MED13L: variants seen among roughly 807,000 people sequenced by gnomAD.
MED13L encodes mediator of RNA polymerase II transcription subunit 13-like.
MED13L carries 7 observed loss-of-function variants against 220.9 expected under a neutral mutation model. The ratio of observed to expected loss-of-function variants is 0.03; its 90% CI spans 0.02 to 0.06. The LOEUF is 0.06. Among genes scored for constraint, MED13L ranks in the 10% least tolerant of loss-of-function variants. MED13L has a pLI of 1.00. For missense variants in MED13L, 1,965 were observed against 2,760.5 expected, an observed-to-expected ratio of 0.71 and a Z score of 6.46; for synonymous variants, 1,011 against 1,015.2, an observed-to-expected ratio of 1.00 and a Z score of 0.08.
chr12:116,076,880 C>T (rs1190566084), intron 4 of MED13L, among the ~76,000 whole-genome samples: 1 of 152,172 alleles, frequency 6.6e-6, no homozygotes, highest in Non-Finnish European at 1.5e-5. Context: ...GCCCAAAGGG[C>T]AGAGCACAAA....
chr12:115,999,376 G>GAA (rs1426421826), intron 14 of MED13L, among the ~76,000 whole-genome samples: 1 of 151,042 alleles, frequency 6.6e-6, no homozygotes, highest in African/African-American at 2.4e-5. Context: ...CGGTGAAAGA[G>GAA]AAAGACTCTG....
intron 2 of MED13L, among the ~76,000 whole-genome samples, chr12:116,209,384 T>C (rs1882554875): frequency 6.6e-6 from 1 of 152,200 alleles, no homozygotes; most frequent in African/African-American, 2.4e-5. Flanking sequence ...GATGAGGAAA[T>C]ATTTTTAAAT....
chr12:116,008,145 C>A, intron 10 of MED13L: 1 of 491,542 alleles, frequency 2.0e-6, no homozygotes, highest in East Asian at 3.2e-5. Flanking sequence ...AACAGTAGGG[C>A]AAAAATGTAT....
chr12:116,224,187 C>T (rs185163871), intron 2 of MED13L, among the ~76,000 whole-genome samples: 63 of 152,274 alleles, frequency 4.1e-4, no homozygotes, highest in Middle Eastern at 6.8e-3. Flanking sequence ...ACCTATGAAG[C>T]CCAAACTACT....
chr12:115,973,822 A>T (rs1876751918), intron 25 of MED13L, among the ~76,000 whole-genome samples: 1 of 152,236 alleles, frequency 6.6e-6, no homozygotes, highest in African/African-American at 2.4e-5. Flanking sequence ...CTACAGTACA[A>T]CTTATTACTT....
chr12:116,088,901 A>C (rs1871952322), intron 4 of MED13L, among the ~76,000 whole-genome samples: 1 of 152,158 alleles, frequency 6.6e-6, no homozygotes, highest in South Asian at 2.1e-4. Context: ...ATTCAAAATT[A>C]TTCAACATAT....
chr12:116,252,143 A>G (rs1871619223), intron 1 of MED13L, among the ~76,000 whole-genome samples: 2 of 152,142 alleles, frequency 1.3e-5, no homozygotes, highest in African/African-American at 2.4e-5. Flanking sequence ...CATAAAATTA[A>G]TAAGGATATA....
chr12:116,034,414 C>T (rs2137513561), intron 4 of MED13L, among the ~76,000 whole-genome samples: 1 of 152,196 alleles, frequency 6.6e-6, no homozygotes, highest in African/African-American at 2.4e-5. Flanking sequence ...AAATGTAAAG[C>T]TCTGATAGTC....
rs1414267384 is a variant in MED13L at position 115,980,844 on chromosome 12, T to A, written c.5270A>T (p.Gln1757Leu). 1 of 1,601,776 alleles carries A rather than the reference T, an allele frequency of 6.2e-7. No individual in the cohort carries two copies. Among genetic ancestry groups the A allele is most frequent in the Non-Finnish European group, 8.5e-7 (1 of 1,174,346 alleles). The change falls in exon 23 of 31, where the codon CAG becomes CTG. Residue 1757 changes from glutamine (Q) to leucine (L), a missense_variant. By Grantham distance (113) the Gln-to-Leu change is moderately radical. Transcript: ENST00000281928. ...LKSMAFSVYC[Q>L]CRRPLPTQIH... Reference sequence around the variant, plus strand: ...CTGTGTAGGCAGTGGTCGCCTGCACTGGCAGTACACTGAAAATGCCATGGA... The same window carrying A: ...CTGTGTAGGCAGTGGTCGCCTGCACAGGCAGTACACTGAAAATGCCATGGA...
At chr12:116,243,892 T>C (rs1351409090) in intron 1 of MED13L, among the ~76,000 whole-genome samples, 1 of 152,134 alleles carries the variant, frequency 6.6e-6, no homozygotes, top group South Asian at 2.1e-4. Context: ...CTAGATACTA[T>C]AAATCAGTTC....
At chr12:116,259,609 C>A (rs937732904) in intron 1 of MED13L, among the ~76,000 whole-genome samples, 1 of 152,116 alleles carries the variant, frequency 6.6e-6, no homozygotes. Flanking sequence ...TCTTAAACTG[C>A]GTATTAGGTA....
chr12:116,061,503 T>C (rs1162038721), intron 4 of MED13L, among the ~76,000 whole-genome samples: 5 of 152,128 alleles, frequency 3.3e-5, no homozygotes, highest in African/African-American at 1.2e-4. Context: ...AAGATAATAA[T>C]GCCTACCTCA....
intron 13 of MED13L, 35 bp downstream of exon 13, chr12:116,005,834 C>A (rs369498626): frequency 6.2e-7 from 1 of 1,612,886 alleles, no homozygotes; most frequent in African/African-American, 1.3e-5. Flanking sequence ...TTTCATGTAG[C>A]GAAATTTTTG....
intron 1 of MED13L, among the ~76,000 whole-genome samples, chr12:116,252,245 A>G (rs1871626010): frequency 6.6e-6 from 1 of 152,194 alleles, no homozygotes; most frequent in Non-Finnish European, 1.5e-5. Flanking sequence ...CCAAATGCAC[A>G]TGGAACATTC....
At chr12:115,983,584 A>G in intron 20 of MED13L, 44 bp from the exon 21 acceptor site, 1 of 1,600,252 alleles carries the variant, frequency 6.2e-7, no homozygotes, top group Non-Finnish European at 8.6e-7. Flanking sequence ...GATATTCTGC[A>G]GTGTCGGACT....
intron 13 of MED13L, among the ~76,000 whole-genome samples, chr12:116,004,695 C>T (rs1181763063): frequency 1.4e-5 from 2 of 140,164 alleles, no homozygotes; most frequent in East Asian, 4.2e-4. Flanking sequence ...ACTAATGTCC[C>T]TCCCCCTTCC....
intron 2 of MED13L, among the ~76,000 whole-genome samples, chr12:116,144,785 G>C (rs185036030): frequency 2.0e-5 from 3 of 152,228 alleles, no homozygotes; most frequent in Non-Finnish European, 4.4e-5. Flanking sequence ...TATGCAATTA[G>C]CAACATGAAA....
intron 25 of MED13L, among the ~76,000 whole-genome samples, chr12:115,974,940 C>T (rs1188017628): frequency 2.0e-5 from 3 of 151,700 alleles, no homozygotes; most frequent in Non-Finnish European, 4.4e-5. Context: ...TTAATAAAAC[C>T]CTCTTTTTGT....
chr12:116,077,623 G>A (rs1870906441), intron 4 of MED13L, among the ~76,000 whole-genome samples: 1 of 152,154 alleles, frequency 6.6e-6, no homozygotes, highest in South Asian at 2.1e-4. Flanking sequence ...GTGTACATAT[G>A]CACAGACTAA....
Sources: gnomAD v4.1 joint callset for allele counts (sites outside exome capture counted in the v4.1 genomes callset) on GRCh38, gnomAD v4.1.1 for gene constraint, MANE v1.5 for transcripts, NCBI Gene and HGNC (gene_info 2026-07-23, HGNC 2026-07-21) for gene names.